Variants in CASZ1 observed in about 807,000 individuals in gnomAD.
CASZ1 encodes castor zinc finger 1.
In CASZ1, 28 loss-of-function variants were observed where a neutral mutation model predicts 135.2. The ratio of observed to expected loss-of-function variants is 0.21; its 90% CI spans 0.15 to 0.28. CASZ1 has a LOEUF of 0.28. CASZ1 is among the 10% of genes least tolerant of loss of function. The pLI, the probability that CASZ1 is intolerant of heterozygous loss-of-function variation, is 1.00. For missense variants in CASZ1, 2,161 were observed against 2,453.3 expected (o/e 0.88, Z 2.52); for synonymous variants, 1,068 against 1,073.4 (o/e 0.99, Z 0.10).
intron 2 of CASZ1, among the ~76,000 whole-genome samples, chr1:10,708,042 T>A (rs1639212280): frequency 6.6e-6 from 1 of 152,228 alleles, no homozygotes; most frequent in South Asian, 2.1e-4. Context: ...GCCAGCCGTC[T>A]GTCCATCTGT....
rs1230535876 is a variant in CASZ1 at position 10,726,316 on chromosome 1, G to T, written c.-76-20772C>A. On this transcript the variant is annotated intron_variant, in intron 2 of 20. Transcript: ENST00000377022. The surrounding 1 kb of genome is among the most constrained non-coding windows in gnomAD (Gnocchi z 5.7). Reference sequence around the variant, plus strand: ...ATGAGGCTTGGGGAGGTGAAACCGGGTCTCCCCAGCTTGGGGCTACTGACC... The same window carrying T: ...ATGAGGCTTGGGGAGGTGAAACCGGTTCTCCCCAGCTTGGGGCTACTGACC... 6.6e-6 allele frequency among the ~76,000 whole-genome samples: 1 copy of T among 152,180 alleles called. No individual in the cohort carries two copies. Among genetic ancestry groups the T allele is most frequent in the African/African-American group, 2.4e-5 (1 of 41,436 alleles).
chr1:10,717,811 T>C lies in CASZ1; in HGVS notation c.-76-12267A>G, dbSNP rs1036105215. 1.3e-5 allele frequency among the ~76,000 whole-genome samples: 2 copies of C among 152,188 alleles called. No individual in the cohort carries two copies. The highest frequency in any genetic ancestry group is 2.9e-5 in the Non-Finnish European group (2 of 68,030). ...AAGGGAGCTATGAATAGAGACGTCC[T>C]GCACCGGAGGACGTCCTCATAAACA... On this transcript the variant is annotated intron_variant, in intron 2 of 20. Coordinates refer to ENST00000377022, the MANE Select transcript of CASZ1 (RefSeq NM_001079843.3). This position sits in a 1 kb window ranked among gnomAD's most constrained non-coding sequence, Gnocchi z 4.6.
In CASZ1 at chr1:10,739,919, G is replaced by A. The variant is rs77810865; in HGVS notation, c.-77+20782C>T. Among the ~76,000 whole-genome samples the A allele has an allele frequency of 5.1e-3, 771 of 152,240 alleles. 39 individuals are homozygous for A. The East Asian group carries it at 0.12, about 24-fold the overall frequency. On this transcript the variant is annotated intron_variant, in intron 2 of 20. Coordinates refer to ENST00000377022, the MANE Select transcript of CASZ1 (RefSeq NM_001079843.3). The surrounding 1 kb of genome is among the most constrained non-coding windows in gnomAD (Gnocchi z 4.8). ...CCTCCTGAAAGGGCGAAACTCAGTCGTTCAGGGAGAAAGGGACCACAGCCA... is the reference window on the plus strand; with the variant it reads ...CCTCCTGAAAGGGCGAAACTCAGTCATTCAGGGAGAAAGGGACCACAGCCA...
chr1:10,790,899 G>T (rs188098265), intron 1 of CASZ1, among the ~76,000 whole-genome samples: 1 of 151,884 alleles, frequency 6.6e-6, no homozygotes, highest in Non-Finnish European at 1.5e-5. Context: ...CTAAAGTTTG[G>T]GGGGGGACAT....
At position 10,647,167 on chromosome 1, in the gene CASZ1, A is replaced by C; in HGVS notation, c.3497+634T>G. 2.0e-5 allele frequency: 18 copies of C among 915,784 alleles called. No individual in the cohort carries two copies. Among genetic ancestry groups the C allele is most frequent in the Non-Finnish European group, 2.4e-5 (18 of 765,450 alleles). 56.7% of individuals were successfully genotyped at this position (915,784 alleles called of 1,614,324 possible). On this transcript the variant is annotated intron_variant, in intron 16 of 20. Transcript: ENST00000377022. This position sits in a 1 kb window ranked among gnomAD's most constrained non-coding sequence, Gnocchi z 4.9. ...TGGGCCCCTTCCATGCTGTGGGCCC[A>C]GCCCCAGTTGCTCAGAGAGGGAGGA... is the stretch of plus-strand genomic sequence containing the variant.
At chr1:10,779,442 C>T (rs933454082) in intron 1 of CASZ1, among the ~76,000 whole-genome samples, 4 of 152,170 alleles carry the variant, frequency 2.6e-5, no homozygotes, top group African/African-American at 9.6e-5. Context: ...GCTCAGCGCC[C>T]TGCGGGGGCC....
chr1:10,688,309 G>A (rs1283235516), intron 4 of CASZ1, among the ~76,000 whole-genome samples: 2 of 152,222 alleles, frequency 1.3e-5, no homozygotes, highest in Admixed American at 6.5e-5. Context: ...GTGTGAGGCT[G>A]GAAAGGTTGC....
intron 2 of CASZ1, among the ~76,000 whole-genome samples, chr1:10,748,481 G>A (rs948003713): frequency 2.6e-5 from 4 of 152,180 alleles, no homozygotes; most frequent in Non-Finnish European, 5.9e-5. Context: ...CTGCAAAGAC[G>A]ATGCTATTGT....
At chr1:10,656,965 T>G (rs1642821481) in intron 7 of CASZ1, among the ~76,000 whole-genome samples, 1 of 151,726 alleles carries the variant, frequency 6.6e-6, no homozygotes, top group Non-Finnish European at 1.5e-5. Context: ...TGGCCAAAAG[T>G]CAAAGTAGGG....
In CASZ1 at chr1:10,694,339, C is replaced by G; in HGVS notation, c.-23-427G>C. 8.7e-7 allele frequency: 1 copy of G among 1,155,014 alleles called. No individual in the cohort carries two copies. Among genetic ancestry groups the G allele is most frequent in the Non-Finnish European group, 1.1e-6 (1 of 912,864 alleles). 71.5% of individuals were successfully genotyped at this position (1,155,014 alleles called of 1,614,324 possible). A position where few individuals can be genotyped will look rare whatever the true frequency, so the allele number is the denominator to read the frequency against. On this transcript the variant is annotated intron_variant, in intron 3 of 20. Transcript: ENST00000377022. This position sits in a 1 kb window ranked among gnomAD's most constrained non-coding sequence, Gnocchi z 6.6. ...AAGCCGAATTCACTTAAATAATCAACTTTCATAATACTTAATTAATGCCTA... is the reference window on the plus strand; with the variant it reads ...AAGCCGAATTCACTTAAATAATCAAGTTTCATAATACTTAATTAATGCCTA...
At chr1:10,714,732 A>C (rs992323292) in intron 2 of CASZ1, among the ~76,000 whole-genome samples, 7 of 152,212 alleles carry the variant, frequency 4.6e-5, no homozygotes, top group African/African-American at 1.4e-4. Context: ...CAGACTCTCT[A>C]ATCAGGCTGC....
In CASZ1 at chr1:10,639,187, C is replaced by G; in HGVS notation, c.5035G>C (p.Glu1679Gln). 8 of 1,002,212 alleles carry G rather than the reference C, an allele frequency of 8.0e-6. No individual in the cohort carries two copies. The highest frequency in any genetic ancestry group is 9.7e-6 in the Non-Finnish European group (8 of 827,352). The allele number at this position is 1,002,212 out of a possible 1,614,324, so 62.1% of individuals were successfully genotyped here. A position where few individuals can be genotyped will look rare whatever the true frequency, so the allele number is the denominator to read the frequency against. Residue 1679 changes from glutamate (E) to glutamine (Q), a missense_variant, in exon 21 of 21, where the codon GAG becomes CAG. This residue lies in a region of CASZ1 where 185 missense variants were observed against 134.7 expected (regional missense o/e 1.37). Coordinates refer to ENST00000377022, the MANE Select transcript of CASZ1 (RefSeq NM_001079843.3). The surrounding 1 kb of genome is among the most constrained non-coding windows in gnomAD (Gnocchi z 4.0). ...TCCTCCGGCAGCTCCAGCTCCTCCT[C>G]CTCGTCCTCCTGCGAGGACTCCCCA... Reference protein sequence around the residue: ...AAGESSQEDEEEELELPEEEA... With the variant: ...AAGESSQEDEQEELELPEEEA...
At position 10,659,715 on chromosome 1, in the gene CASZ1, C is replaced by T. The variant is rs746250036; in HGVS notation, c.1327G>A (p.Val443Ile). 1.5e-5 allele frequency: 25 copies of T among 1,613,504 alleles called. No individual in the cohort carries two copies. Among genetic ancestry groups the T allele is most frequent in the East Asian group, 6.7e-5 (3 of 44,882 alleles). The change falls in exon 6 of 21, where the codon GTC becomes ATC. Residue 443 changes from valine to isoleucine, a missense_variant. Around this residue, in one of 7 missense-constraint regions of CASZ1, gnomAD observed 248 missense variants for 410.8 expected, o/e 0.60. Coordinates refer to ENST00000377022, the MANE Select transcript of CASZ1 (RefSeq NM_001079843.3). Reference sequence around the variant, plus strand: ...GGAGCGCCTTACTTGACAGTGGAGACGGTCCCCGTGGTGATGGAGTCTGTT... The same window carrying T: ...GGAGCGCCTTACTTGACAGTGGAGATGGTCCCCGTGGTGATGGAGTCTGTT... ...SKTDSITTGT[V>I]STVKNGLPTD...
chr1:10,730,725 T>C (rs1435742585), intron 2 of CASZ1, among the ~76,000 whole-genome samples: 1 of 152,246 alleles, frequency 6.6e-6, no homozygotes, highest in Non-Finnish European at 1.5e-5. Context: ...GGAAAACTTA[T>C]ATCTGCCACT....
chr1:10,710,485 G>C (rs1211626952), intron 2 of CASZ1, among the ~76,000 whole-genome samples: 3 of 152,204 alleles, frequency 2.0e-5, no homozygotes, highest in Admixed American at 6.5e-5. Flanking sequence ...CAAGTTGGTG[G>C]CCTAGTTTGC....
chr1:10,753,976 C>T (rs988593171), intron 2 of CASZ1, among the ~76,000 whole-genome samples: 5 of 152,156 alleles, frequency 3.3e-5, no homozygotes, highest in African/African-American at 7.2e-5. Context: ...CTGACCCCCT[C>T]GACTTCAGAT....
intron 9 of CASZ1, 34 bp from the exon 10 acceptor site, chr1:10,654,625 A>G: frequency 1.2e-6 from 2 of 1,600,632 alleles, no homozygotes; most frequent in Non-Finnish European, 1.7e-6. Context: ...AGGCGAACGG[A>G]GGCCAGGTGC....
At position 10,755,118 on chromosome 1, in the gene CASZ1, G is replaced by C. The variant is rs1640225744; in HGVS notation, c.-77+5583C>G. ...CCTGAAGGGCAGAGAGCAAGCGGCAGTGGTGTGGGTGGGAACGTGGCAGCA... is the reference window on the plus strand; with the variant it reads ...CCTGAAGGGCAGAGAGCAAGCGGCACTGGTGTGGGTGGGAACGTGGCAGCA... On this transcript the variant is annotated intron_variant, in intron 2 of 20. Transcript: ENST00000377022. The surrounding 1 kb of genome is among the most constrained non-coding windows in gnomAD (Gnocchi z 4.3). Among the ~76,000 whole-genome samples, 1 of 152,234 alleles carries C rather than the reference G, an allele frequency of 6.6e-6. No individual in the cohort carries two copies. The highest frequency in any genetic ancestry group is 6.5e-5 in the Admixed American group (1 of 15,290).
At chr1:10,686,819 C>T (rs1181249326) in intron 4 of CASZ1, among the ~76,000 whole-genome samples, 2 of 152,224 alleles carry the variant, frequency 1.3e-5, no homozygotes, top group African/African-American at 2.4e-5. Flanking sequence ...CCCTCCCCCA[C>T]CCGTGGCCAG....
Sources: allele counts gnomAD v4.1 joint callset (sites outside exome capture counted in the v4.1 genomes callset), GRCh38; gene constraint gnomAD v4.1.1; regional missense constraint gnomAD v4.1.1; non-coding constraint Gnocchi (gnomAD v3.1); transcripts MANE v1.5; gene names NCBI Gene and HGNC (gene_info 2026-07-23, HGNC 2026-07-21).